HS3ST3A1: variants seen among roughly 807,000 people sequenced by gnomAD.
The protein encoded by HS3ST3A1 is heparan sulfate-glucosamine 3-sulfotransferase 3A1.
A neutral mutation model predicts 25.7 loss-of-function variants in HS3ST3A1; 19 were observed. The ratio of observed to expected loss-of-function variants is 0.74; its 90% confidence interval spans 0.52 to 1.08. HS3ST3A1 has a LOEUF of 1.08. Among genes scored for constraint, HS3ST3A1 ranks in the 50% least tolerant of loss-of-function variants. HS3ST3A1 has a pLI of 0.00. For missense variants in HS3ST3A1, 459 were observed against 594.3 expected (o/e 0.77, Z 2.37); for synonymous variants, 226 against 278.6 (o/e 0.81, Z 1.88).
chr17:13,556,382 C>T (rs1380736686), intron 1 of HS3ST3A1, among the ~76,000 whole-genome samples: 7 of 151,930 alleles, frequency 4.6e-5, no homozygotes, highest in Non-Finnish European at 1.0e-4. Flanking sequence ...GTGGCGGGCA[C>T]CTGTAGTCCC....
intron 1 of HS3ST3A1, among the ~76,000 whole-genome samples, chr17:13,497,911 A>G (rs1402544392): frequency 6.6e-6 from 1 of 152,224 alleles, no homozygotes; most frequent in African/African-American, 2.4e-5. Context: ...ATCTGCAAGG[A>G]AAAGATACAC....
intron 1 of HS3ST3A1, among the ~76,000 whole-genome samples, chr17:13,522,762 T>A (rs1250187437): frequency 1.3e-5 from 2 of 150,834 alleles, no homozygotes; most frequent in Non-Finnish European, 1.5e-5. Context: ...AATAAAAAAA[T>A]GGCAAAATAA....
intron 1 of HS3ST3A1, among the ~76,000 whole-genome samples, chr17:13,596,418 T>TAC (rs10535139): frequency 0.083 from 12,174 of 146,234 alleles, 514 homozygotes; most frequent in Middle Eastern, 0.12. Flanking sequence ...TGCGCGTGCG[T>TAC]ACACACACAC....
chr17:13,591,818 T>A (rs1335753883), intron 1 of HS3ST3A1, among the ~76,000 whole-genome samples: 2 of 151,956 alleles, frequency 1.3e-5, no homozygotes, highest in African/African-American at 4.8e-5. Context: ...CACGACCACA[T>A]CCGGCTAATT....
At position 13,531,817 on chromosome 17, in the gene HS3ST3A1, T is replaced by C. The variant is rs878992387; in HGVS notation, c.600-34999A>G. 5.3e-5 allele frequency among the ~76,000 whole-genome samples: 8 copies of C among 152,192 alleles called. No individual in the cohort carries two copies. The South Asian group carries it at 1.7e-3, about 32-fold the overall frequency. ...TGCAAATTTCTCCTTTGAAAACCCATGAATCTGTGAAAAATCTCTTTAGGC... is the reference window on the plus strand; with the variant it reads ...TGCAAATTTCTCCTTTGAAAACCCACGAATCTGTGAAAAATCTCTTTAGGC... On this transcript the variant is annotated intron_variant, in intron 1 of 1. Transcript: ENST00000284110.
chr17:13,582,645 C>T (rs1908147933), intron 1 of HS3ST3A1, among the ~76,000 whole-genome samples: 1 of 152,102 alleles, frequency 6.6e-6, no homozygotes, highest in Admixed American at 6.5e-5. Flanking sequence ...CATTTAATGC[C>T]CAACGTATTT....
intron 1 of HS3ST3A1, among the ~76,000 whole-genome samples, chr17:13,533,530 T>TTTTTTTTTTTTTTTTTG (rs1195309406): frequency 6.7e-6 from 1 of 149,636 alleles, no homozygotes; most frequent in Admixed American, 6.7e-5. Context: ...TACTAATTTT[T>TTTTTTTTTTTTTTTTTG]AAGGCAACTC....
intron 1 of HS3ST3A1, among the ~76,000 whole-genome samples, chr17:13,586,691 C>A (rs1362385606): frequency 1.3e-5 from 2 of 150,418 alleles, no homozygotes; most frequent in African/African-American, 2.5e-5. Flanking sequence ...CACGGTGAAA[C>A]CCCGTCTCTA....
intron 1 of HS3ST3A1, among the ~76,000 whole-genome samples, chr17:13,519,565 A>G (rs1377009177): frequency 6.6e-6 from 1 of 152,052 alleles, no homozygotes; most frequent in African/African-American, 2.4e-5. Flanking sequence ...GATGATGATG[A>G]TGGTGATGAT....
At chr17:13,558,915 A>G (rs1907452714) in intron 1 of HS3ST3A1, among the ~76,000 whole-genome samples, 1 of 152,222 alleles carries the variant, frequency 6.6e-6, no homozygotes, top group African/African-American at 2.4e-5. Context: ...GCCAGGTGGT[A>G]GATTACAATG....
chr17:13,559,447 TATTC>T (rs1277370241), intron 1 of HS3ST3A1, among the ~76,000 whole-genome samples: 9 of 150,918 alleles, frequency 6.0e-5, no homozygotes, highest in Non-Finnish European at 8.9e-5. Flanking sequence ...TGTGAATATA[TATTC>T]AATTACATAC....
chr17:13,528,255 G>A (rs1310070687), intron 1 of HS3ST3A1, among the ~76,000 whole-genome samples: 2 of 152,168 alleles, frequency 1.3e-5, no homozygotes, highest in South Asian at 2.1e-4. Flanking sequence ...TAAAAACTCT[G>A]GCAGGCAACA....
intron 1 of HS3ST3A1, among the ~76,000 whole-genome samples, chr17:13,540,159 T>C (rs1006420118): frequency 6.6e-6 from 1 of 152,250 alleles, no homozygotes; most frequent in African/African-American, 2.4e-5. Flanking sequence ...TAATTTCTGA[T>C]TGACCTCTGA....
intron 1 of HS3ST3A1, among the ~76,000 whole-genome samples, chr17:13,506,973 G>T (rs1321011503): frequency 1.3e-5 from 2 of 151,582 alleles, no homozygotes; most frequent in Non-Finnish European, 2.9e-5. Context: ...GGTGGCTGAG[G>T]TGGGAGAATC....
intron 1 of HS3ST3A1, among the ~76,000 whole-genome samples, chr17:13,548,638 C>G (rs565303553): frequency 5.9e-5 from 9 of 152,232 alleles, no homozygotes; most frequent in East Asian, 1.9e-4. Flanking sequence ...GCTTCTGGGT[C>G]GGGCGGGGAC....
At chr17:13,578,578 A>T (rs7210249) in intron 1 of HS3ST3A1, among the ~76,000 whole-genome samples, 14,855 of 150,396 alleles carry the variant, frequency 0.099, 853 homozygotes, top group Non-Finnish European at 0.13. Context: ...AAAAAAAAAA[A>T]AAAAGTCAGG....
Position 13,494,140 on chromosome 17 carries a change from CACTT to C in HS3ST3A1, c.*2053_*2056del, listed in dbSNP as rs1905210005. 6.6e-6 allele frequency among the ~76,000 whole-genome samples: 1 copy of C among 152,164 alleles called. No individual in the cohort carries two copies. The highest frequency in any genetic ancestry group is 1.5e-5 in the Non-Finnish European group (1 of 68,036). On this transcript the variant is annotated 3_prime_UTR_variant, in exon 2 of 2. Transcript: ENST00000284110. Reference sequence around the variant, plus strand: ...CCACTTTTGCATAATGCCAAGCAAACACTTACAAAAGAATCAGTTGTACAAACAA... The same window carrying C: ...CCACTTTTGCATAATGCCAAGCAAACACAAAAGAATCAGTTGTACAAACAA...
At chr17:13,565,800 GT>G (rs2142369142) in intron 1 of HS3ST3A1, among the ~76,000 whole-genome samples, 1 of 152,244 alleles carries the variant, frequency 6.6e-6, no homozygotes, top group African/African-American at 2.4e-5. Flanking sequence ...TTCAGTAAAG[GT>G]TTTGTGTAGT....
intron 1 of HS3ST3A1, among the ~76,000 whole-genome samples, chr17:13,557,190 C>T (rs1181777330): frequency 6.6e-6 from 1 of 152,170 alleles, no homozygotes; most frequent in African/African-American, 2.4e-5. Context: ...GGATGCCCTG[C>T]GATTCCGCCT....
Sources: allele counts gnomAD v4.1 joint callset (sites outside exome capture counted in the v4.1 genomes callset), GRCh38; gene constraint gnomAD v4.1.1; transcripts MANE v1.5; gene names NCBI Gene and HGNC (gene_info 2026-07-23, HGNC 2026-07-21).